The following DAB1 variants were observed in gnomAD, a reference collection of about 807,000 sequenced individuals.
The protein encoded by DAB1 is DAB adaptor protein 1, also known as disabled homolog 1.
DAB1 carries 15 observed loss-of-function variants against 64.6 expected under a neutral mutation model. The ratio of observed to expected loss-of-function variants is 0.23; its 90% CI spans 0.16 to 0.36. The LOEUF is 0.36. Among genes scored for constraint, DAB1 ranks in the 10% least tolerant of loss-of-function variants. The pLI, the probability that DAB1 is intolerant of heterozygous loss-of-function variation, is 1.00. For synonymous variants in DAB1, 235 were observed against 251.9 expected (o/e 0.93, Z 0.64); for missense variants, 596 against 706.7 (o/e 0.84, Z 1.78).
intron 3 of DAB1, among the ~76,000 whole-genome samples, chr1:58,449,562 T>C (rs1306564892): frequency 6.6e-6 from 1 of 152,202 alleles, no homozygotes; most frequent in Non-Finnish European, 1.5e-5. Context: ...CACTCTAGGA[T>C]TGTGTTCAGT....
chr1:57,717,839 A>G (rs1647102678), intron 6 of DAB1, among the ~76,000 whole-genome samples: 1 of 152,134 alleles, frequency 6.6e-6, no homozygotes, highest in Non-Finnish European at 1.5e-5. Flanking sequence ...GGAGGACATT[A>G]TGTTAGGTTA....
chr1:57,883,716 A>C (rs918553042), intron 1 of DAB1, among the ~76,000 whole-genome samples: 4 of 152,150 alleles, frequency 2.6e-5, no homozygotes, highest in African/African-American at 9.7e-5. Context: ...TTAGTCTCCA[A>C]TCTAAGTCAG....
At chr1:58,472,944 C>T (rs1645377022) in intron 3 of DAB1, among the ~76,000 whole-genome samples, 1 of 152,122 alleles carries the variant, frequency 6.6e-6, no homozygotes, top group Admixed American at 6.5e-5. Context: ...TCACCATGTG[C>T]CAGGCCCCTA....
Position 57,314,263 on chromosome 1 carries a change from G to A in DAB1, c.-136-23097C>T, listed in dbSNP as rs1273446871. ...TAAAAGGAAACATTTTCCCACCAAG[G>A]GGAAACTTTGTCAAAATTGTCCTTG... is the stretch of plus-strand genomic sequence containing the variant. On this transcript the variant is annotated intron_variant, in intron 1 of 14. Coordinates refer to ENST00000371236, the MANE Select transcript of DAB1 (RefSeq NM_001365792.1). 2.6e-5 allele frequency among the ~76,000 whole-genome samples: 4 copies of A among 152,236 alleles called. No homozygotes were observed. In the South Asian group the frequency reaches 8.3e-4, roughly 32 times the overall value.
chr1:57,118,744 G>A (rs944737387), intron 4 of DAB1, among the ~76,000 whole-genome samples: 1 of 152,114 alleles, frequency 6.6e-6, no homozygotes, highest in Non-Finnish European at 1.5e-5. Flanking sequence ...ATCACTTACT[G>A]CATGCCAAAC....
chr1:57,365,540 C>A (rs992642151), intron 1 of DAB1, among the ~76,000 whole-genome samples: 3 of 151,622 alleles, frequency 2.0e-5, no homozygotes, highest in African/African-American at 7.3e-5. Context: ...TATATTCCAA[C>A]CAAATACATA....
At chr1:58,394,240 C>A (rs915432291) in intron 3 of DAB1, among the ~76,000 whole-genome samples, 1 of 152,170 alleles carries the variant, frequency 6.6e-6, no homozygotes, top group Non-Finnish European at 1.5e-5. Flanking sequence ...GATGTGGAAC[C>A]TGGAATTTCC....
At chr1:58,228,806 G>A in intron 4 of DAB1, 1 of 734,628 alleles carries the variant, frequency 1.4e-6, no homozygotes, top group Non-Finnish European at 2.3e-6. Context: ...CAAAGAACAG[G>A]ATCCAGTCCA....
At chr1:57,972,290 G>A in intron 5 of DAB1, among the ~76,000 whole-genome samples, 1 of 152,146 alleles carries the variant, frequency 6.6e-6, no homozygotes. Flanking sequence ...AGGCTGAAGT[G>A]TAGTTGTACA....
At chr1:57,238,100 G>A (rs538307030) in intron 2 of DAB1, among the ~76,000 whole-genome samples, 4 of 152,236 alleles carry the variant, frequency 2.6e-5, no homozygotes, top group Admixed American at 2.0e-4. Context: ...TTAGAACAAG[G>A]AGATGTGTTC....
At chr1:57,181,538 A>G (rs904310749) in intron 2 of DAB1, among the ~76,000 whole-genome samples, 1 of 152,210 alleles carries the variant, frequency 6.6e-6, no homozygotes, top group Non-Finnish European at 1.5e-5. Context: ...CTCTTTACCC[A>G]AAAACTGCAA....
At chr1:57,632,198 C>T (rs1038092620) in intron 7 of DAB1, among the ~76,000 whole-genome samples, 10 of 152,186 alleles carry the variant, frequency 6.6e-5, no homozygotes, top group East Asian at 3.8e-4. Flanking sequence ...ATTACTACAA[C>T]GTAGTGCTGC....
chr1:57,278,349 T>C (rs1671634210), intron 2 of DAB1, among the ~76,000 whole-genome samples: 1 of 152,218 alleles, frequency 6.6e-6, no homozygotes, highest in African/African-American at 2.4e-5. Flanking sequence ...ATCATTAATA[T>C]CATTTCCCAC....
rs1028883396 is a variant in DAB1 at position 58,073,840 on chromosome 1, G to C, written n.387+76671C>G. Among the ~76,000 whole-genome samples, 6 of 152,180 alleles carry C rather than the reference G, an allele frequency of 3.9e-5. No homozygotes were observed. In the East Asian group the frequency reaches 1.2e-3, roughly 29 times the overall value. On this transcript the variant is annotated intron_variant and non_coding_transcript_variant, in intron 5 of 20. Coordinates refer to the DAB1 transcript ENST00000485760. ...CTTACGAAGGTATAATTAGAGGAAG[G>C]TGGGAAATTAGTTCAGAAGGTGAAT...
intron 1 of DAB1, among the ~76,000 whole-genome samples, chr1:57,332,295 T>G (rs536527501): frequency 6.6e-6 from 1 of 152,250 alleles, no homozygotes; most frequent in African/African-American, 2.4e-5. Flanking sequence ...AAAATAAACA[T>G]CTTGCTTGTT....
At chr1:57,859,801 A>G (rs1402332803) in intron 1 of DAB1, among the ~76,000 whole-genome samples, 2 of 152,202 alleles carry the variant, frequency 1.3e-5, no homozygotes, top group Admixed American at 1.3e-4. Flanking sequence ...ATGGACTTCA[A>G]TGTATCTCAA....
chr1:57,073,603 T>C (rs544802949), intron 4 of DAB1, among the ~76,000 whole-genome samples: 1 of 152,290 alleles, frequency 6.6e-6, no homozygotes, highest in South Asian at 2.1e-4. Flanking sequence ...TTCATTATAC[T>C]GGGTATCAGG....
intron 6 of DAB1, among the ~76,000 whole-genome samples, chr1:57,678,911 C>G (rs534699454): frequency 1.4e-5 from 2 of 146,842 alleles, no homozygotes; most frequent in Non-Finnish European, 3.0e-5. Context: ...CGACTACAAG[C>G]GCCTGCCACC....
intron 5 of DAB1, among the ~76,000 whole-genome samples, chr1:58,137,889 C>T (rs1654036642): frequency 6.6e-6 from 1 of 152,158 alleles, no homozygotes; most frequent in African/African-American, 2.4e-5. Context: ...GGAAGTGCTT[C>T]TAAAGGCATT....
Sources: allele counts gnomAD v4.1 joint callset (sites outside exome capture counted in the v4.1 genomes callset), GRCh38; gene constraint gnomAD v4.1.1; transcripts MANE v1.5; gene names NCBI Gene and HGNC (gene_info 2026-07-23, HGNC 2026-07-21).